The following POLE3 variants were observed in gnomAD, a reference collection of about 807,000 sequenced individuals.
The protein encoded by POLE3 is DNA polymerase epsilon subunit 3.
Under a neutral mutation model 16.1 loss-of-function variants are expected in POLE3, and 10 were observed. That is an observed-to-expected ratio of 0.62 (90% confidence interval 0.38 to 1.05). POLE3 has a LOEUF of 1.05. POLE3 is among the 50% of genes least tolerant of loss of function. The probability of loss-of-function intolerance (pLI) is 0.01; values close to 1 mark genes in which losing one functional copy is unlikely to be tolerated. For synonymous variants in POLE3, 83 were observed against 71.0 expected, an observed-to-expected ratio of 1.17 and a Z score of -0.85; for missense variants, 169 against 185.0, an observed-to-expected ratio of 0.91 and a Z score of 0.50.
chr9:113,409,960 C>G (rs1828050956), intron 3 of POLE3, 95 bp downstream of exon 3: 1 of 1,027,002 alleles, frequency 9.7e-7, no homozygotes, highest in Non-Finnish European at 1.4e-6. Context: ...ATGTCCCCAC[C>G]GAGGGAGAAC....
intron 3 of POLE3, 66 bp from the exon 4 acceptor site, chr9:113,409,794 C>T (rs1247367064): frequency 9.2e-7 from 1 of 1,087,636 alleles, no homozygotes; most frequent in East Asian, 2.4e-5. Context: ...AAAGGAGCAC[C>T]CAGAGGTGGA....
Position 113,408,741 on chromosome 9 carries a change from C to G in POLE3, c.*70G>C. On this transcript the variant is annotated 3_prime_UTR_variant, in exon 5 of 5. Transcript: ENST00000374171. ...GACTACTCTGCCCAGCATGGAAAAG[C>G]TTCACAGAAACACGTAGCACGTCTC... The G allele has an allele frequency of 2.3e-6, 3 of 1,312,904 alleles. No individual in the cohort carries two copies. Among genetic ancestry groups the G allele is most frequent in the East Asian group, 2.3e-5 (1 of 43,092 alleles). The allele number at this position is 1,312,904 out of a possible 1,614,324, so 81.3% of individuals were successfully genotyped here.
In POLE3 at chr9:113,410,155, G is replaced by C. The variant is rs772679462; in HGVS notation, c.67-15C>G. 6.2e-6 allele frequency: 10 copies of C among 1,604,382 alleles called. 1 individual carries two copies. In the South Asian group the frequency reaches 1.1e-4, roughly 18 times the overall value. ...CCGTCCGGGAGCTGCGAGGAGACCG[G>C]GGGTGAGCAAAGCTGCCGTTCCAGC... is the stretch of plus-strand genomic sequence containing the variant. On this transcript the variant is annotated splice_polypyrimidine_tract_variant and intron_variant, in intron 2 of 4. Coordinates refer to ENST00000374171, the MANE Select transcript of POLE3 (RefSeq NM_017443.5).
At chr9:113,409,919 A>T in intron 3 of POLE3, 136 bp downstream of exon 3, 1 of 789,136 alleles carries the variant, frequency 1.3e-6, no homozygotes, top group Non-Finnish European at 2.0e-6. Context: ...TTTGCTTCAG[A>T]ACTTGTAAAA....
Position 113,408,383 on chromosome 9 carries a change from G to A in POLE3, c.*428C>T, listed in dbSNP as rs753335531. The stretch of plus-strand genomic sequence containing the variant: ...GTCAAAGACTGTGCAATCAAACATA[G>A]GCTGACCATAAGCAAAGCCCCAGTT... On this transcript the variant is annotated 3_prime_UTR_variant, in exon 5 of 5. Coordinates refer to ENST00000374171, the MANE Select transcript of POLE3 (RefSeq NM_017443.5). 14 of 161,046 alleles carry A rather than the reference G, an allele frequency of 8.7e-5. No homozygotes were observed. The highest frequency in any genetic ancestry group is 3.6e-4 in the Admixed American group (6 of 16,736). 10.0% of individuals were successfully genotyped at this position (161,046 alleles called of 1,614,324 possible).
At chr9:113,409,161 A>G (rs1828007950) in intron 4 of POLE3, among the ~76,000 whole-genome samples, 178 bp from the exon 5 acceptor site, 1 of 152,156 alleles carries the variant, frequency 6.6e-6, no homozygotes, top group South Asian at 2.1e-4. Flanking sequence ...CAGGAGTTCA[A>G]GACCAGCCTG....
Position 113,410,304 on chromosome 9 carries a change from G to T in POLE3, c.-11C>A, listed in dbSNP as rs1270119757. The stretch of plus-strand genomic sequence containing the variant: ...GGGCCTCTCCGCCATTGCCGCCGCT[G>T]GGGCTTAAACTCCCCTTCGCCTCCG... On this transcript the variant is annotated 5_prime_UTR_variant, in exon 2 of 5. Coordinates refer to ENST00000374171, the MANE Select transcript of POLE3 (RefSeq NM_017443.5). 8 of 1,612,130 alleles carry T rather than the reference G, an allele frequency of 5.0e-6. No individual in the cohort carries two copies. Among genetic ancestry groups the T allele is most frequent in the Non-Finnish European group, 5.9e-6 (7 of 1,179,390 alleles).
rs1190966763 is a variant in POLE3, at chr9:113,409,613, C to T, written c.268G>A (p.Glu90Lys). The change falls in exon 4 of 5, where the codon GAA becomes AAA. Residue 90 changes from glutamate (E) to lysine (K), a missense_variant. Coordinates refer to ENST00000374171, the MANE Select transcript of POLE3 (RefSeq NM_017443.5). Reference protein sequence around the residue: ...RFVTPLKEALEAYRREQKGKK... With the variant: ...RFVTPLKEALKAYRREQKGKK... ...TAGAAGACAAGAGGCTCGTTACCTT[C>T]CAGAGCTTCTTTCAATGGGGTAACG... The T allele has an allele frequency of 2.5e-6, 4 of 1,574,132 alleles. No individual in the cohort carries two copies. Among genetic ancestry groups the T allele is most frequent in the Admixed American group, 1.7e-5 (1 of 59,988 alleles).
chr9:113,409,830 A>G (rs1828044821), intron 3 of POLE3, 102 bp from the exon 4 acceptor site: 2 of 862,720 alleles, frequency 2.3e-6, no homozygotes, highest in East Asian at 4.8e-5. Flanking sequence ...TCTTACATGT[A>G]TGGATTTTGG....
Position 113,408,943 on chromosome 9 carries a change from C to T in POLE3, c.312G>A (p.Glu104=). Residue 104 remains glutamate, a synonymous_variant, in exon 5 of 5, where the codon GAG becomes GAA. Transcript: ENST00000374171. ...REQKGKKEAS[E]QKKKDKDKKT... is the part of the protein sequence containing the mutation. ...TTTTGTCTTTGTCCTTCTTCTTTTG[C>T]TCTGAGGCCTCCTTCTTGCCTTTCT... The T allele has an allele frequency of 1.9e-6, 3 of 1,613,922 alleles. No homozygotes were observed. The East Asian group carries it at 6.7e-5, about 36-fold the overall frequency.
At chr9:113,410,584 T>C (rs1041162294) in intron 1 of POLE3, 33 bp downstream of exon 1, 1 of 505,644 alleles carries the variant, frequency 2.0e-6, no homozygotes, top group African/African-American at 1.9e-5. Flanking sequence ...ATTTCTCTGC[T>C]TCTCGCCATC....
At chr9:113,409,373 AAAAAAC>A (rs1554743712) in intron 4 of POLE3, among the ~76,000 whole-genome samples, 2 of 150,188 alleles carry the variant, frequency 1.3e-5, no homozygotes, top group East Asian at 1.9e-4. Flanking sequence ...AAAAAAAAAA[AAAAAAC>A]AAAAACAAGA....
Position 113,408,573 on chromosome 9 carries a change from C to A in POLE3, c.*238G>T. ...CTGACTAATTTAGTCGTTCAGAATC[C>A]CTCTTGTCAAAAGGCCATAACCTTC... is the stretch of plus-strand genomic sequence containing the variant. On this transcript the variant is annotated 3_prime_UTR_variant, in exon 5 of 5. Coordinates refer to ENST00000374171, the MANE Select transcript of POLE3 (RefSeq NM_017443.5). The A allele has an allele frequency of 5.6e-6, 2 of 358,422 alleles. No homozygotes were observed. Among genetic ancestry groups the A allele is most frequent in the South Asian group, 5.3e-5 (1 of 18,742 alleles). The allele number at this position is 358,422 out of a possible 1,614,324, so 22.2% of individuals were successfully genotyped here. A position where few individuals can be genotyped will look rare whatever the true frequency, so the allele number is the denominator to read the frequency against.
chr9:113,410,300 C>T lies in POLE3; in HGVS notation c.-7G>A. On this transcript the variant is annotated 5_prime_UTR_variant, in exon 2 of 5. Transcript: ENST00000374171. ...CCTCGGGCCTCTCCGCCATTGCCGCCGCTGGGGCTTAAACTCCCCTTCGCC... is the reference window on the plus strand; with the variant it reads ...CCTCGGGCCTCTCCGCCATTGCCGCTGCTGGGGCTTAAACTCCCCTTCGCC... 1.2e-6 allele frequency: 2 copies of T among 1,612,538 alleles called. No homozygotes were observed. Among genetic ancestry groups the T allele is most frequent in the African/African-American group, 1.3e-5 (1 of 74,998 alleles).
chr9:113,408,674 T>C lies in POLE3; in HGVS notation c.*137A>G. 1 of 693,452 alleles carries C rather than the reference T, an allele frequency of 1.4e-6. No homozygotes were observed. Among genetic ancestry groups the C allele is most frequent in the Non-Finnish European group, 2.5e-6 (1 of 399,504 alleles). 43.0% of individuals were successfully genotyped at this position (693,452 alleles called of 1,614,324 possible). A position where few individuals can be genotyped will look rare whatever the true frequency, so the allele number is the denominator to read the frequency against. On this transcript the variant is annotated 3_prime_UTR_variant, in exon 5 of 5. Transcript: ENST00000374171. Reference sequence around the variant, plus strand: ...TAAGTGCTGGTTTTGACGGTATTTCTAGTCAGTTTTTATTCTGATCTTTTC... The same window carrying C: ...TAAGTGCTGGTTTTGACGGTATTTCCAGTCAGTTTTTATTCTGATCTTTTC...
rs753854271 is a variant in POLE3, at chr9:113,408,817, G to A, written c.438C>T (p.Asp146=). 3.1e-6 allele frequency: 5 copies of A among 1,612,960 alleles called. No individual in the cohort carries two copies. In the African/African-American group the frequency reaches 5.3e-5, roughly 17 times the overall value. ...CCACAGTCTCCCGCCCTTTTCAGTT[G>A]TCTACTTCTTCCTCTTCATTCTGTT... ...EEEQNEEEEV[D]N Residue 146 remains aspartate (D), a synonymous_variant, in exon 5 of 5, where the codon GAC becomes GAT. Coordinates refer to ENST00000374171, the MANE Select transcript of POLE3 (RefSeq NM_017443.5).
At chr9:113,409,799 G>A (rs1319346064) in intron 3 of POLE3, 71 bp from the exon 4 acceptor site, 1 of 1,038,406 alleles carries the variant, frequency 9.6e-7, no homozygotes, top group African/African-American at 1.6e-5. Context: ...AGCACCCAGA[G>A]GTGGAACGGG....
In POLE3 at chr9:113,410,069, C is replaced by T; in HGVS notation, c.138G>A (p.Leu46=). The change falls in exon 3 of 5, where the codon CTG becomes CTA. Residue 46 remains leucine, a synonymous_variant. Transcript: ENST00000374171. ...GTCCCGCTCACCAGGATGTGGCGTA[C>T]AGCACGAAGACGCTGGCGGCGCGGG... is the stretch of plus-strand genomic sequence containing the variant. The part of the protein sequence containing the change: ...AISRAASVFV[L]YATSCANNFA... 6.4e-7 allele frequency: 1 copy of T among 1,570,714 alleles called. No individual in the cohort carries two copies.
chr9:113,407,307 T>C lies in POLE3; in HGVS notation c.*1504A>G, dbSNP rs1433424059. 1.3e-5 allele frequency: 2 copies of C among 152,526 alleles called. No homozygotes were observed. Among genetic ancestry groups the C allele is most frequent in the African/African-American group, 4.8e-5 (2 of 41,460 alleles). 9.4% of individuals were successfully genotyped at this position (152,526 alleles called of 1,614,324 possible). On this transcript the variant is annotated 3_prime_UTR_variant, in exon 5 of 5. Transcript: ENST00000374171. ...CATTCTTCACTCACAAACTTTTCAC[T>C]GTATTTAACAAGTTAACAGTGTCAA... is the stretch of plus-strand genomic sequence containing the variant.
Sources: gnomAD v4.1 joint callset for allele counts (sites outside exome capture counted in the v4.1 genomes callset) on GRCh38, gnomAD v4.1.1 for gene constraint, MANE v1.5 for transcripts, NCBI Gene and HGNC (gene_info 2026-07-23, HGNC 2026-07-21) for gene names.